The following ADGRV1 variants were observed in gnomAD, a reference collection of about 807,000 sequenced individuals.
ADGRV1 encodes the protein G-protein coupled receptor 98.
Under a neutral mutation model 596.2 loss-of-function variants are expected in ADGRV1, and 359 were observed. The ratio of observed to expected loss-of-function variants is 0.60; its 90% CI spans 0.55 to 0.66. The LOEUF (loss-of-function observed/expected upper bound fraction) is 0.66, where lower values mean the gene tolerates loss of function less well. Among genes scored for constraint, ADGRV1 ranks in the 30% least tolerant of loss-of-function variants. The pLI, the probability that ADGRV1 is intolerant of heterozygous loss-of-function variation, is 0.00. For synonymous variants in ADGRV1, 2,681 were observed against 2,679.2 expected (o/e 1.00, Z -0.02); for missense variants, 7,274 against 7,575.6 (o/e 0.96, Z 1.48).
At chr5:90,879,155 A>G (rs1222156323) in intron 83 of ADGRV1, among the ~76,000 whole-genome samples, 2 of 152,126 alleles carry the variant, frequency 1.3e-5, no homozygotes, top group African/African-American at 4.8e-5. Context: ...GAGGACTTCA[A>G]CCTCACCTCC....
intron 87 of ADGRV1, among the ~76,000 whole-genome samples, chr5:91,104,021 A>T (rs955993447): frequency 3.3e-5 from 5 of 152,214 alleles, no homozygotes; most frequent in Non-Finnish European, 7.3e-5. Flanking sequence ...GCTGAGCTTC[A>T]ATCTTTAAGC....
intron 45 of ADGRV1, among the ~76,000 whole-genome samples, 178 bp downstream of exon 45, chr5:90,721,237 G>A (rs975771650): frequency 6.6e-6 from 1 of 152,096 alleles, no homozygotes; most frequent in African/African-American, 2.4e-5. Context: ...ATGTGTTGAG[G>A]CTCATGCCTG....
intron 83 of ADGRV1, among the ~76,000 whole-genome samples, chr5:90,894,157 A>G (rs1292014816): frequency 6.6e-6 from 1 of 152,216 alleles, no homozygotes; most frequent in African/African-American, 2.4e-5. Flanking sequence ...GCATCAAAAA[A>G]TCTGTCAGTA....
rs1231448411 is a variant in ADGRV1, at chr5:90,667,862, C to G, written c.4753-4684C>G. 2.6e-3 allele frequency among the ~76,000 whole-genome samples: 388 copies of G among 151,832 alleles called. 2 individuals are homozygous for G. The highest frequency in any genetic ancestry group is 8.7e-3 in the African/African-American group (361 of 41,328). Reference sequence around the variant, plus strand: ...CCTCAGCTGCAGGGCTGTTGGAGTACCCTGCCGTGTGAGGTGTCAGTGTGC... The same window carrying G: ...CCTCAGCTGCAGGGCTGTTGGAGTAGCCTGCCGTGTGAGGTGTCAGTGTGC... On this transcript the variant is annotated intron_variant, in intron 21 of 89. Coordinates refer to ENST00000405460, the MANE Select transcript of ADGRV1 (RefSeq NM_032119.4).
chr5:90,853,650 C>T (rs1384193433), intron 80 of ADGRV1, 117 bp downstream of exon 80: 5 of 865,512 alleles, frequency 5.8e-6, no homozygotes, highest in Non-Finnish European at 8.7e-6. Context: ...TGGTGAACTA[C>T]TATGAAATGT....
In ADGRV1 at chr5:90,651,060, C is replaced by A. The variant is rs187130107; in HGVS notation, c.3290-544C>A. Among the ~76,000 whole-genome samples the A allele has an allele frequency of 2.0e-5, 3 of 152,252 alleles. No individual in the cohort carries two copies. In the East Asian group the frequency reaches 5.8e-4, roughly 29 times the overall value. ...GAGTAGAAAGGAATCAAGCCCAAAC[C>A]ATGGAGACTACTTTGTTCTATGTAC... On this transcript the variant is annotated intron_variant, in intron 17 of 89. Transcript: ENST00000405460.
intron 85 of ADGRV1, among the ~76,000 whole-genome samples, chr5:90,988,854 T>A (rs1483422573): frequency 1.4e-5 from 2 of 143,026 alleles, no homozygotes; most frequent in East Asian, 4.2e-4. Flanking sequence ...TGTGTTCTCA[T>A]TGTTCAATTC....
chr5:90,840,944 A>G lies in ADGRV1; in HGVS notation c.16978A>G (p.Thr5660Ala). 1 of 1,495,460 alleles carries G rather than the reference A, an allele frequency of 6.7e-7. No individual in the cohort carries two copies. The highest frequency in any genetic ancestry group is 8.9e-7 in the Non-Finnish European group (1 of 1,119,824). The allele number at this position is 1,495,460 out of a possible 1,614,324, so 92.6% of individuals were successfully genotyped here. A position where few individuals can be genotyped will look rare whatever the true frequency, so the allele number is the denominator to read the frequency against. ...TISMKVATEN[T>A]DEQLSAMMHL... ...CAGCATGAAAGTGGCCACAGAAAAC[A>G]CAGATGAACAACTCAGTGCCATGAT... Residue 5660 changes from threonine to alanine, a missense_variant, in exon 78 of 90, where the codon ACA becomes GCA. Thr to Ala is a moderately conservative substitution (Grantham distance 58, BLOSUM62 0). Transcript: ENST00000405460.
At chr5:90,646,844 G>T (rs1481506113) in intron 16 of ADGRV1, among the ~76,000 whole-genome samples, 4 of 150,546 alleles carry the variant, frequency 2.7e-5, no homozygotes, top group African/African-American at 9.8e-5. Context: ...CGTGATCTCG[G>T]CTCACTGCAC....
At chr5:90,882,917 T>C (rs1219059564) in intron 83 of ADGRV1, among the ~76,000 whole-genome samples, 1 of 152,158 alleles carries the variant, frequency 6.6e-6, no homozygotes, top group African/African-American at 2.4e-5. Flanking sequence ...AAATCTTCAC[T>C]TTACAAAATG....
At chr5:91,129,251 A>T (rs1303388019) in intron 87 of ADGRV1, among the ~76,000 whole-genome samples, 1 of 151,140 alleles carries the variant, frequency 6.6e-6, no homozygotes, top group Non-Finnish European at 1.5e-5. Context: ...AATCATTATT[A>T]AACATCTACT....
At chr5:90,606,432 A>C (rs1258736195) in intron 1 of ADGRV1, among the ~76,000 whole-genome samples, 1 of 152,228 alleles carries the variant, frequency 6.6e-6, no homozygotes, top group East Asian at 1.9e-4. Context: ...CAAGATGGGC[A>C]AGCTCAATGT....
At chr5:91,075,177 T>C (rs1788741939) in intron 86 of ADGRV1, among the ~76,000 whole-genome samples, 1 of 152,154 alleles carries the variant, frequency 6.6e-6, no homozygotes, top group Admixed American at 6.5e-5. Context: ...GTGCAGGAGC[T>C]CTTTAGTTTA....
intron 83 of ADGRV1, among the ~76,000 whole-genome samples, chr5:90,871,080 C>T (rs949902828): frequency 3.9e-5 from 6 of 151,928 alleles, no homozygotes; most frequent in Non-Finnish European, 8.8e-5. Flanking sequence ...TACTATTGAA[C>T]TTTATGTAAA....
intron 77 of ADGRV1, among the ~76,000 whole-genome samples, chr5:90,835,404 T>TGTG (rs1764891032): frequency 6.6e-6 from 1 of 152,190 alleles, no homozygotes; most frequent in Non-Finnish European, 1.5e-5. Context: ...AAAAGGATCC[T>TGTG]CTGTGTCTGT....
In ADGRV1 at chr5:90,658,182, T is replaced by A; in HGVS notation, c.4656T>A (p.Ala1552=). 1 of 1,589,852 alleles carries A rather than the reference T, an allele frequency of 6.3e-7. No individual in the cohort carries two copies. Among genetic ancestry groups the A allele is most frequent in the Non-Finnish European group, 8.6e-7 (1 of 1,166,292 alleles). The change falls in exon 21 of 90, where the codon GCT becomes GCA. Residue 1552 remains alanine, a synonymous_variant. Transcript: ENST00000405460. Reference sequence around the variant, plus strand: ...AACTAGTTTCTGTATATGGAGGAGCTCGTATTTCGGAAGAAAATACTACTG... The same window carrying A: ...AACTAGTTTCTGTATATGGAGGAGCACGTATTTCGGAAGAAAATACTACTG... ...ILKLVSVYGG[A]RISEENTTAR...
chr5:90,697,104 G>T lies in ADGRV1; in HGVS notation c.8113G>T (p.Val2705Phe). 2 of 1,613,392 alleles carry T rather than the reference G, an allele frequency of 1.2e-6. No individual in the cohort carries two copies. Among genetic ancestry groups the T allele is most frequent in the South Asian group, 1.1e-5 (1 of 91,050 alleles). Residue 2705 changes from valine to phenylalanine, a missense_variant, in exon 34 of 90, where the codon GTT becomes TTT. Physicochemically the swap from Val to Phe is conservative, Grantham distance 50 (BLOSUM62 -1). Transcript: ENST00000405460. ...GGCCAATGACAATGTGGCAGGAATT[G>T]TTAGCTTTCAGACAGCTTCCAGATC... The part of the protein sequence containing the change: ...ILANDNVAGI[V>F]SFQTASRSVI...
At chr5:91,112,147 T>G (rs1582093393) in intron 87 of ADGRV1, among the ~76,000 whole-genome samples, 1 of 152,190 alleles carries the variant, frequency 6.6e-6, no homozygotes, top group Non-Finnish European at 1.5e-5. Context: ...ATTTTCACTT[T>G]TGTTTCATCT....
intron 59 of ADGRV1, among the ~76,000 whole-genome samples, chr5:90,767,350 A>G (rs1757248409): frequency 6.6e-6 from 1 of 152,230 alleles, no homozygotes; most frequent in African/African-American, 2.4e-5. Flanking sequence ...ATAAAGATGA[A>G]ACCAGAATGC....
Sources: allele counts gnomAD v4.1 joint callset (sites outside exome capture counted in the v4.1 genomes callset), GRCh38; gene constraint gnomAD v4.1.1; transcripts MANE v1.5; gene names NCBI Gene and HGNC (gene_info 2026-07-23, HGNC 2026-07-21).